Variants in RBFOX1 observed in about 807,000 individuals in gnomAD.
The protein encoded by RBFOX1 is RNA binding fox-1 homolog 1.
A neutral mutation model predicts 57.7 loss-of-function variants in RBFOX1; 8 were observed. That is an observed-to-expected ratio of 0.14 (90% CI 0.08 to 0.25). RBFOX1 has a LOEUF of 0.25. Ranked by LOEUF, RBFOX1 falls within the 10% of genes least tolerant of loss-of-function variation. The pLI is 1.00. For missense variants in RBFOX1, 611 were observed against 548.5 expected (o/e 1.11, Z -1.14); for synonymous variants, 326 against 222.4 (o/e 1.47, Z -4.15).
chr16:7,405,780 G>T (rs4377173), intron 4 of RBFOX1, among the ~76,000 whole-genome samples: 131,446 of 152,026 alleles, frequency 0.86, 57,049 homozygotes, highest in South Asian at 0.95. Context: ...TTTTTGCCTG[G>T]TAAGTAAAGG....
chr16:7,350,334 T>G (rs541059945), intron 4 of RBFOX1, among the ~76,000 whole-genome samples: 196 of 152,078 alleles, frequency 1.3e-3, no homozygotes, highest in African/African-American at 4.6e-3. Flanking sequence ...ATGGGTATGT[T>G]TGAGAAATGA....
intron 1 of RBFOX1, among the ~76,000 whole-genome samples, chr16:5,330,201 A>T (rs754285628): frequency 6.6e-6 from 1 of 152,160 alleles, no homozygotes; most frequent in African/African-American, 2.4e-5. Flanking sequence ...GGATATAAAC[A>T]TTAGTCCATT....
chr16:7,000,696 C>T (rs964587673), intron 3 of RBFOX1, among the ~76,000 whole-genome samples: 1 of 148,784 alleles, frequency 6.7e-6, no homozygotes, highest in Non-Finnish European at 1.5e-5. Flanking sequence ...CCTCTGCCTA[C>T]CGGGTTCATG....
chr16:6,721,424 C>G (rs2065973516), intron 3 of RBFOX1, among the ~76,000 whole-genome samples: 1 of 152,164 alleles, frequency 6.6e-6, no homozygotes, highest in African/African-American at 2.4e-5. Flanking sequence ...GCCTGGGGGA[C>G]AGAGCGAGAC....
At chr16:6,351,070 G>A (rs569883516) in intron 2 of RBFOX1, among the ~76,000 whole-genome samples, 1 of 152,162 alleles carries the variant, frequency 6.6e-6, no homozygotes, top group East Asian at 1.9e-4. Flanking sequence ...TTCAACCACA[G>A]CAATGTGGCC....
At chr16:5,837,678 T>A (rs2056504336) in intron 3 of RBFOX1, among the ~76,000 whole-genome samples, 1 of 151,966 alleles carries the variant, frequency 6.6e-6, no homozygotes, top group Non-Finnish European at 1.5e-5. Flanking sequence ...GGGTGAGGAT[T>A]TTTAGTTCTA....
At chr16:5,317,809 A>G (rs1313599216) in intron 1 of RBFOX1, among the ~76,000 whole-genome samples, 1 of 152,218 alleles carries the variant, frequency 6.6e-6, no homozygotes, top group African/African-American at 2.4e-5. Context: ...AACCATTTTA[A>G]GTTTACAATT....
intron 3 of RBFOX1, among the ~76,000 whole-genome samples, chr16:6,720,479 C>G (rs948250641): frequency 6.6e-6 from 1 of 152,136 alleles, no homozygotes; most frequent in African/African-American, 2.4e-5. Flanking sequence ...CATACACGAC[C>G]TATGTGTTCA....
At chr16:7,017,886 A>G (rs1052140182) in intron 3 of RBFOX1, among the ~76,000 whole-genome samples, 1 of 152,198 alleles carries the variant, frequency 6.6e-6, no homozygotes, top group Non-Finnish European at 1.5e-5. Context: ...GAGGCTTAGC[A>G]ACAACAGAGA....
intron 3 of RBFOX1, among the ~76,000 whole-genome samples, chr16:5,682,819 GAT>G (rs1361349897): frequency 6.6e-6 from 1 of 152,172 alleles, no homozygotes; most frequent in Non-Finnish European, 1.5e-5. Flanking sequence ...CTGGCAGTCT[GAT>G]ATGTGAAATG....
At chr16:5,283,719 A>C (rs1472296957) in intron 1 of RBFOX1, among the ~76,000 whole-genome samples, 1 of 152,228 alleles carries the variant, frequency 6.6e-6, no homozygotes, top group Non-Finnish European at 1.5e-5. Flanking sequence ...GTGTTTACCC[A>C]GTGCCTATAC....
intron 14 of RBFOX1, among the ~76,000 whole-genome samples, chr16:7,679,297 T>A (rs777479482): frequency 1.3e-5 from 2 of 152,234 alleles, no homozygotes; most frequent in Non-Finnish European, 2.9e-5. Context: ...CAAGTACCTA[T>A]AATTTCTCTC....
chr16:7,244,235 G>A (rs1218109695), intron 4 of RBFOX1, among the ~76,000 whole-genome samples: 3 of 107,232 alleles, frequency 2.8e-5, no homozygotes, highest in African/African-American at 1.2e-4. Context: ...CTAGGAAAAT[G>A]CCAAAGTATT....
chr16:6,284,968 AG>A (rs2076753151), intron 1 of RBFOX1, among the ~76,000 whole-genome samples: 1 of 152,292 alleles, frequency 6.6e-6, no homozygotes, highest in East Asian at 1.9e-4. Flanking sequence ...AGAAAACCCC[AG>A]GGTATCGGGG....
At chr16:6,270,793 A>C (rs1360403647) in intron 1 of RBFOX1, among the ~76,000 whole-genome samples, 1 of 152,174 alleles carries the variant, frequency 6.6e-6, no homozygotes. Flanking sequence ...TCCATGGGAG[A>C]TATCCTGGGC....
chr16:7,134,961 A>G (rs1600573820), intron 4 of RBFOX1, among the ~76,000 whole-genome samples: 1 of 151,722 alleles, frequency 6.6e-6, no homozygotes, highest in African/African-American at 2.4e-5. Context: ...GCCGCGTTCC[A>G]AGAGAGAGAG....
At chr16:7,548,188 T>C (rs896959588) in intron 5 of RBFOX1, among the ~76,000 whole-genome samples, 2 of 152,230 alleles carry the variant, frequency 1.3e-5, no homozygotes, top group Non-Finnish European at 2.9e-5. Flanking sequence ...TTTTTACTTT[T>C]GAGACAGAGA....
intron 2 of RBFOX1, among the ~76,000 whole-genome samples, chr16:5,573,160 C>G (rs1208333823): frequency 6.6e-6 from 1 of 152,070 alleles, no homozygotes; most frequent in Non-Finnish European, 1.5e-5. Flanking sequence ...GTTGGGAGGA[C>G]ATAATGAAGA....
At chr16:6,715,646 A>G (rs2064655047) in intron 3 of RBFOX1, among the ~76,000 whole-genome samples, 1 of 152,130 alleles carries the variant, frequency 6.6e-6, no homozygotes, top group South Asian at 2.1e-4. Context: ...TCCTATCCGG[A>G]TAAAGATACT....
Sources: gnomAD v4.1 joint callset for allele counts (sites outside exome capture counted in the v4.1 genomes callset) on GRCh38, gnomAD v4.1.1 for gene constraint, MANE v1.5 for transcripts, NCBI Gene and HGNC (gene_info 2026-07-23, HGNC 2026-07-21) for gene names.